PARD3B: variants seen among roughly 807,000 people sequenced by gnomAD.
PARD3B encodes par-3 family cell polarity regulator beta.
A neutral mutation model predicts 130.2 loss-of-function variants in PARD3B; 103 were observed. The observed-to-expected ratio is 0.79, with a 90% confidence interval of 0.67 to 0.93. The LOEUF is 0.93. Among genes scored for constraint, PARD3B ranks in the 40% least tolerant of loss-of-function variants. The pLI is 0.00. For synonymous variants in PARD3B, 583 were observed against 553.2 expected, an observed-to-expected ratio of 1.05 and a Z score of -0.76; for missense variants, 1,609 against 1,499.2, an observed-to-expected ratio of 1.07 and a Z score of -1.21.
rs1200633027 is a variant in PARD3B at position 205,341,032 on chromosome 2, A to C, written c.2630+39331A>C. On this transcript the variant is annotated intron_variant, in intron 18 of 22. Coordinates refer to ENST00000406610, the MANE Select transcript of PARD3B (RefSeq NM_001302769.2). This position sits in a 1 kb window ranked among gnomAD's most constrained non-coding sequence, Gnocchi z 4.3. ...CTAATCATCAGGGAAATACAAACCA[A>C]AACCACAGTGAGATTTCATCTTATC... is the stretch of plus-strand genomic sequence containing the variant. 1.3e-5 allele frequency among the ~76,000 whole-genome samples: 2 copies of C among 152,244 alleles called. No individual in the cohort carries two copies. The highest frequency in any genetic ancestry group is 4.1e-4 in the South Asian group (2 of 4,832).
At chr2:204,764,757 A>G (rs1038609795) in intron 2 of PARD3B, among the ~76,000 whole-genome samples, 3 of 74,744 alleles carry the variant, frequency 4.0e-5, no homozygotes, top group African/African-American at 1.5e-4. Flanking sequence ...TAATTTTTTA[A>G]TTTACATTTG....
rs561890975 is a variant in PARD3B, at chr2:205,542,017, C to T, written c.3181-11307C>T. Among the ~76,000 whole-genome samples, 5 of 151,652 alleles carry T rather than the reference C, an allele frequency of 3.3e-5. 1 individual carries two copies. Among genetic ancestry groups the T allele is most frequent in the Admixed American group, 3.3e-4 (5 of 15,224 alleles). ...AATTAGCTAGGCATGATGGTTCATG[C>T]CTATAATCTCAGCTACTCGGGAAGC... On this transcript the variant is annotated intron_variant, in intron 21 of 22. Transcript: ENST00000406610.
At chr2:204,926,817 A>C (rs1687658046) in intron 2 of PARD3B, among the ~76,000 whole-genome samples, 1 of 152,138 alleles carries the variant, frequency 6.6e-6, no homozygotes, top group South Asian at 2.1e-4. Flanking sequence ...AATTATAAGA[A>C]TGGCAAATAC....
intron 18 of PARD3B, among the ~76,000 whole-genome samples, chr2:205,326,903 C>A (rs2042957401): frequency 6.6e-6 from 1 of 152,110 alleles, no homozygotes; most frequent in African/African-American, 2.4e-5. Flanking sequence ...TAGACAAATG[C>A]TTCTAGTATA....
Position 205,022,146 on chromosome 2 carries a change from G to A in PARD3B, c.395-25435G>A, listed in dbSNP as rs1417216639. ...GTTATATTTTAAATGTTATATTATT[G>A]TGTCACAAAAAGTAGACATGTAATG... On this transcript the variant is annotated intron_variant, in intron 3 of 22. Coordinates refer to ENST00000406610, the MANE Select transcript of PARD3B (RefSeq NM_001302769.2). 2.0e-5 allele frequency among the ~76,000 whole-genome samples: 3 copies of A among 151,944 alleles called. No homozygotes were observed. In the East Asian group the frequency reaches 5.8e-4, roughly 29 times the overall value.
At chr2:204,705,283 T>G (rs1418581635) in intron 2 of PARD3B, among the ~76,000 whole-genome samples, 2 of 152,190 alleles carry the variant, frequency 1.3e-5, no homozygotes, top group Non-Finnish European at 2.9e-5. Context: ...AAGCCCATAT[T>G]CTTGTGGGGA....
intron 4 of PARD3B, among the ~76,000 whole-genome samples, chr2:205,062,044 T>C (rs986248590): frequency 1.3e-5 from 2 of 152,068 alleles, no homozygotes; most frequent in Non-Finnish European, 2.9e-5. Flanking sequence ...TGTACGCTTC[T>C]CTAATTTGCT....
chr2:204,744,722 C>G (rs373583525), intron 2 of PARD3B, among the ~76,000 whole-genome samples: 10 of 152,186 alleles, frequency 6.6e-5, no homozygotes, highest in African/African-American at 2.4e-4. Context: ...GAGTGGGAGT[C>G]AAGGCTGTCA....
chr2:205,159,062 A>G (rs1412739930), intron 11 of PARD3B, among the ~76,000 whole-genome samples, 155 bp downstream of exon 11: 2 of 152,220 alleles, frequency 1.3e-5, no homozygotes, highest in East Asian at 1.9e-4. Context: ...GATCTGGGAA[A>G]TAACTGGCTG....
chr2:205,022,749 ATTAAGTAATATAAC>A (rs1696713918), intron 3 of PARD3B, among the ~76,000 whole-genome samples: 5 of 152,188 alleles, frequency 3.3e-5, no homozygotes, highest in Admixed American at 2.0e-4. Flanking sequence ...ACGATCATTC[ATTAAGTAATATAAC>A]CATGGATAAT....
At chr2:204,732,528 G>C (rs184548222) in intron 2 of PARD3B, among the ~76,000 whole-genome samples, 3 of 144,364 alleles carry the variant, frequency 2.1e-5, no homozygotes, top group African/African-American at 2.5e-5. Flanking sequence ...TTTTTGAGAC[G>C]GAGTCTCGCT....
At chr2:204,814,504 C>T (rs1455340693) in intron 2 of PARD3B, among the ~76,000 whole-genome samples, 1 of 151,790 alleles carries the variant, frequency 6.6e-6, no homozygotes, top group Non-Finnish European at 1.5e-5. Flanking sequence ...CCCTGGTCCT[C>T]TAGGAGTAAA....
rs1037912214 is a variant in PARD3B, at chr2:204,991,642, G to A, written c.394+26319G>A. On this transcript the variant is annotated intron_variant, in intron 3 of 22. Coordinates refer to ENST00000406610, the MANE Select transcript of PARD3B (RefSeq NM_001302769.2). Reference sequence around the variant, plus strand: ...GTATTTCTAGTTCTAGATCCCTGAGGAATCGCCACACCGACTTCCACAATG... The same window carrying A: ...GTATTTCTAGTTCTAGATCCCTGAGAAATCGCCACACCGACTTCCACAATG... Among the ~76,000 whole-genome samples the A allele has an allele frequency of 1.1e-3, 164 of 148,896 alleles. 2 individuals are homozygous for A. Among genetic ancestry groups the A allele is most frequent in the Non-Finnish European group, 1.5e-3 (98 of 66,444 alleles).
At chr2:204,820,860 C>T (rs749858374) in intron 2 of PARD3B, among the ~76,000 whole-genome samples, 6 of 151,798 alleles carry the variant, frequency 4.0e-5, no homozygotes, top group Admixed American at 1.3e-4. Context: ...GCTCATTTAC[C>T]GTTTCTAAAA....
intron 10 of PARD3B, among the ~76,000 whole-genome samples, chr2:205,130,241 T>A (rs1200278901): frequency 6.6e-6 from 1 of 152,176 alleles, no homozygotes; most frequent in African/African-American, 2.4e-5. Context: ...TGGTAATAGA[T>A]TTAGAATCTG....
Position 205,473,608 on chromosome 2 carries a change from C to A in PARD3B, c.3045-26288C>A, listed in dbSNP as rs2048914051. ...TAAACAGGAAGGTGGCATGTACTAA[C>A]TGAAATGCTTCTTTCTTCTATGTTT... On this transcript the variant is annotated intron_variant, in intron 20 of 22. Transcript: ENST00000406610. This position sits in a 1 kb window ranked among gnomAD's most constrained non-coding sequence, Gnocchi z 4.9. Among the ~76,000 whole-genome samples, 1 of 149,616 alleles carries A rather than the reference C, an allele frequency of 6.7e-6. No homozygotes were observed. The highest frequency in any genetic ancestry group is 6.7e-5 in the Admixed American group (1 of 14,958).
intron 11 of PARD3B, among the ~76,000 whole-genome samples, chr2:205,162,750 C>G (rs541573890): frequency 1.3e-5 from 2 of 152,226 alleles, no homozygotes; most frequent in East Asian, 3.9e-4. Context: ...GAAAAAATAC[C>G]TTTCCCTAAA....
At chr2:205,214,730 C>T (rs1232706358) in intron 15 of PARD3B, among the ~76,000 whole-genome samples, 5 of 152,070 alleles carry the variant, frequency 3.3e-5, no homozygotes, top group East Asian at 1.9e-4. Flanking sequence ...AAAGGCCCTA[C>T]GTTCGCATGA....
At chr2:204,601,468 A>C (rs1430050351) in intron 1 of PARD3B, among the ~76,000 whole-genome samples, 1 of 152,024 alleles carries the variant, frequency 6.6e-6, no homozygotes, top group Non-Finnish European at 1.5e-5. Flanking sequence ...AGAATTCCTC[A>C]TCAAATTTGC....
Sources: gnomAD v4.1 joint callset for allele counts (sites outside exome capture counted in the v4.1 genomes callset) on GRCh38, gnomAD v4.1.1 for gene constraint, Gnocchi (gnomAD v3.1) non-coding constraint, MANE v1.5 for transcripts, NCBI Gene and HGNC (gene_info 2026-07-23, HGNC 2026-07-21) for gene names.